GSAP: variants seen among roughly 807,000 people sequenced by gnomAD.
GSAP encodes gamma-secretase activating protein.
GSAP carries 118 observed loss-of-function variants against 131.7 expected under a neutral mutation model. The ratio of observed to expected loss-of-function variants is 0.90; its 90% CI spans 0.77 to 1.04. GSAP has a LOEUF of 1.04. Ranked by LOEUF, GSAP falls within the 50% of genes least tolerant of loss-of-function variation. GSAP has a pLI of 0.00. For synonymous variants in GSAP, 381 were observed against 363.4 expected, an observed-to-expected ratio of 1.05 and a Z score of -0.55; for missense variants, 1,019 against 1,013.2, an observed-to-expected ratio of 1.01 and a Z score of -0.08.
intron 23 of GSAP, among the ~76,000 whole-genome samples, chr7:77,324,959 G>A (rs1473446472): frequency 6.6e-6 from 1 of 151,558 alleles, no homozygotes; most frequent in East Asian, 1.9e-4. Context: ...GAGATTACAG[G>A]CACGTGCTAC....
At chr7:77,319,940 G>T (rs1427306181) in intron 26 of GSAP, among the ~76,000 whole-genome samples, 1 of 152,162 alleles carries the variant, frequency 6.6e-6, no homozygotes, top group Non-Finnish European at 1.5e-5. Context: ...AGATGAGTAA[G>T]TTCTAAAGAC....
chr7:77,322,401 C>T (rs541075567), intron 24 of GSAP, among the ~76,000 whole-genome samples: 45 of 152,134 alleles, frequency 3.0e-4, no homozygotes, highest in African/African-American at 1.0e-3. Flanking sequence ...TCATATGTAT[C>T]GTTTCTGGGC....
At chr7:77,410,165 G>C (rs1249757461) in intron 1 of GSAP, among the ~76,000 whole-genome samples, 1 of 152,184 alleles carries the variant, frequency 6.6e-6, no homozygotes, top group Non-Finnish European at 1.5e-5. Context: ...TAGACAGAGA[G>C]TTGAAAGAAA....
intron 5 of GSAP, among the ~76,000 whole-genome samples, chr7:77,390,990 G>A (rs1420591184): frequency 7.6e-6 from 1 of 131,476 alleles, no homozygotes; most frequent in East Asian, 2.1e-4. Flanking sequence ...AAAATTAGCC[G>A]GGTGTGGTGG....
chr7:77,345,986 A>G (rs1446925656), intron 19 of GSAP, among the ~76,000 whole-genome samples: 1 of 152,188 alleles, frequency 6.6e-6, no homozygotes, highest in Non-Finnish European at 1.5e-5. Context: ...CCTTAGGGGA[A>G]TAGATCAAAA....
At chr7:77,366,562 G>A (rs763932373) in intron 12 of GSAP, among the ~76,000 whole-genome samples, 14 of 152,066 alleles carry the variant, frequency 9.2e-5, no homozygotes, top group Non-Finnish European at 1.9e-4. Flanking sequence ...CTTATTTCTG[G>A]GTTCGCTATT....
At chr7:77,416,410 TCCCGCCCCCTCTTTCCTCTCC>T, upstream of GSAP, 4 of 593,174 alleles carry the variant, frequency 6.7e-6, no homozygotes, top group Non-Finnish European at 1.1e-5. Flanking sequence ...GCGTCCCCGC[TCCCGCCCCCTCTTTCCTCTCC>T]CCCGCCCCCT....
intron 15 of GSAP, 35 bp from the exon 16 acceptor site, chr7:77,355,465 T>C (rs1202646303): frequency 2.0e-6 from 3 of 1,502,684 alleles, no homozygotes; most frequent in Non-Finnish European, 2.7e-6. Flanking sequence ...GATCAGCAAA[T>C]AGAAGAAACT....
intron 1 of GSAP, among the ~76,000 whole-genome samples, chr7:77,414,707 T>C (rs1448094867): frequency 1.3e-5 from 2 of 152,138 alleles, no homozygotes; most frequent in Non-Finnish European, 2.9e-5. Flanking sequence ...CTCATCTAAC[T>C]TCTCATTTGC....
At chr7:77,400,891 G>A (rs973088135) in intron 3 of GSAP, among the ~76,000 whole-genome samples, 2 of 143,910 alleles carry the variant, frequency 1.4e-5, no homozygotes, top group East Asian at 2.0e-4. Context: ...AATATATAAA[G>A]AAAAATACAA....
At chr7:77,346,537 CAAA>C (rs200707510) in intron 19 of GSAP, among the ~76,000 whole-genome samples, 2 of 107,760 alleles carry the variant, frequency 1.9e-5, no homozygotes, top group Non-Finnish European at 2.1e-5. Flanking sequence ...CTGTCTCTAC[CAAA>C]AAAAAAAAAA....
At chr7:77,323,569 T>A in intron 24 of GSAP, 78 bp downstream of exon 24, 1 of 650,552 alleles carries the variant, frequency 1.5e-6, no homozygotes, top group African/African-American at 1.9e-5. Context: ...CATAAATGGG[T>A]TCCCTGCACC....
rs764367739 is a variant in GSAP at position 77,387,395 on chromosome 7, C to A, written c.421G>T (p.Val141Phe). The A allele has an allele frequency of 1.9e-6, 3 of 1,602,576 alleles. No individual in the cohort carries two copies. In the Admixed American group the frequency reaches 5.0e-5, roughly 27 times the overall value. ...VEIHPVNNVK[V>F]LKAVDSYIWV... ...ATATAGCTATCCACAGCCTTTAGAA[C>A]CTTCACATTGTTAACAGGGTGGATT... The change falls in exon 6 of 31, where the codon GTT (valine) becomes TTT (phenylalanine). Residue 141 changes from valine (V) to phenylalanine (F), a missense_variant. Val to Phe is a conservative substitution (Grantham distance 50, BLOSUM62 -1). Coordinates refer to ENST00000257626, the MANE Select transcript of GSAP (RefSeq NM_017439.4).
At chr7:77,327,533 T>C (rs1002579247) in intron 22 of GSAP, 7 of 152,244 alleles carry the variant, frequency 4.6e-5, no homozygotes, top group Middle Eastern at 3.1e-3. Flanking sequence ...CTGTGCTGTG[T>C]GCACAGCTGG....
intron 12 of GSAP, among the ~76,000 whole-genome samples, chr7:77,368,909 C>G (rs1381434755): frequency 6.6e-6 from 1 of 152,118 alleles, no homozygotes; most frequent in Non-Finnish European, 1.5e-5. Context: ...GAAGCATGCT[C>G]TTAAGGGTGT....
intron 5 of GSAP, among the ~76,000 whole-genome samples, chr7:77,387,686 A>T (rs925311081): frequency 2.6e-5 from 4 of 152,198 alleles, no homozygotes; most frequent in Non-Finnish European, 5.9e-5. Flanking sequence ...CAGCCCAGCA[A>T]AGGACCTGCC....
At chr7:77,410,471 C>T (rs1203945053) in intron 1 of GSAP, among the ~76,000 whole-genome samples, 5 of 152,182 alleles carry the variant, frequency 3.3e-5, no homozygotes, top group African/African-American at 7.2e-5. Context: ...AGAAGTTTTG[C>T]AATTTCAAAT....
At chr7:77,415,192 A>G (rs958678898) in intron 1 of GSAP, among the ~76,000 whole-genome samples, 22 of 152,338 alleles carry the variant, frequency 1.4e-4, no homozygotes, top group African/African-American at 5.3e-4. Flanking sequence ...TAATTTCGCT[A>G]TAGTCATAGG....
rs1794675174 is a variant in GSAP at position 77,313,771 on chromosome 7, TAAAAC to T, written c.2210-227_2210-223del. Among the ~76,000 whole-genome samples the T allele has an allele frequency of 3.3e-5, 5 of 152,342 alleles. No individual in the cohort carries two copies. In the South Asian group the frequency reaches 1.0e-3, roughly 32 times the overall value. ...TACAAAGCAATTTTATTGACTAACT[TAAAAC>T]AGAAGGTACCTTGAGGAATGACAAA... On this transcript the variant is annotated intron_variant, in intron 27 of 30. Transcript: ENST00000257626.
Sources: gnomAD v4.1 joint callset for allele counts (sites outside exome capture counted in the v4.1 genomes callset) on GRCh38, gnomAD v4.1.1 for gene constraint, MANE v1.5 for transcripts, NCBI Gene and HGNC (gene_info 2026-07-23, HGNC 2026-07-21) for gene names.